Variants in FBXL2 observed in about 807,000 individuals in gnomAD.
FBXL2 encodes the protein F-box and leucine rich repeat protein 2.
FBXL2 carries 38 observed loss-of-function variants against 69.2 expected under a neutral mutation model. The observed-to-expected ratio is 0.55, with a 90% confidence interval of 0.42 to 0.72. The LOEUF (loss-of-function observed/expected upper bound fraction) is 0.72, where lower values mean the gene tolerates loss of function less well. Ranked by LOEUF, FBXL2 falls within the 30% of genes least tolerant of loss-of-function variation. The pLI is 0.00. For synonymous variants in FBXL2, 192 were observed against 201.3 expected (o/e 0.95, Z 0.39); for missense variants, 354 against 520.3 (o/e 0.68, Z 3.11).
intron 11 of FBXL2, 62 bp downstream of exon 11, chr3:33,377,395 T>A: frequency 6.5e-7 from 1 of 1,549,142 alleles, no homozygotes; most frequent in Non-Finnish European, 8.9e-7. Flanking sequence ...TCAAAGTGAC[T>A]TGGAGTGGTT....
At chr3:33,321,895 A>G (rs1450715781) in intron 2 of FBXL2, among the ~76,000 whole-genome samples, 1 of 152,124 alleles carries the variant, frequency 6.6e-6, no homozygotes, top group Non-Finnish European at 1.5e-5. Context: ...AAATGTCATT[A>G]TCCAGTGCAT....
At chr3:33,286,008 T>A (rs1453968074) in intron 1 of FBXL2, among the ~76,000 whole-genome samples, 2 of 152,186 alleles carry the variant, frequency 1.3e-5, no homozygotes, top group Non-Finnish European at 2.9e-5. Context: ...TGGAGAAGTT[T>A]GTTATTACCG....
chr3:33,375,203 GAAC>G (rs1467576417), intron 9 of FBXL2, 82 bp from the exon 10 acceptor site: 1 of 1,545,784 alleles, frequency 6.5e-7, no homozygotes, highest in African/African-American at 1.4e-5. Context: ...AACCAAAACT[GAAC>G]AACAGCAGAT....
downstream of FBXL2, among the ~76,000 whole-genome samples, chr3:33,404,849 T>A: frequency 6.6e-6 from 1 of 152,154 alleles, no homozygotes; most frequent in Non-Finnish European, 1.5e-5. Flanking sequence ...AGGACCTGAA[T>A]GACACTACCG....
At chr3:33,338,788 A>G (rs72863728) in intron 2 of FBXL2, among the ~76,000 whole-genome samples, 309 of 152,348 alleles carry the variant, frequency 2.0e-3, no homozygotes, top group African/African-American at 7.0e-3. Context: ...AAGGTGGGTT[A>G]AAGACTTAAA....
chr3:33,410,665 G>C, the FBXL2 span, among the ~76,000 whole-genome samples: 1 of 152,114 alleles, frequency 6.6e-6, no homozygotes, highest in Non-Finnish European at 1.5e-5. Flanking sequence ...GTGGGTATTA[G>C]AATCACTATT....
the FBXL2 span, among the ~76,000 whole-genome samples, chr3:33,418,076 A>G: frequency 1.3e-5 from 2 of 152,200 alleles, no homozygotes; most frequent in Non-Finnish European, 2.9e-5. Context: ...TATATGCACT[A>G]TATTTAACAA....
At position 33,378,113 on chromosome 3, in the gene FBXL2, A is replaced by G; in HGVS notation, c.860A>G (p.Glu287Gly). The G allele has an allele frequency of 1.9e-6, 3 of 1,614,184 alleles. No individual in the cohort carries two copies. Among genetic ancestry groups the G allele is most frequent in the Non-Finnish European group, 1.7e-6 (2 of 1,180,022 alleles). Residue 287 changes from glutamate (E) to glycine (G), a missense_variant, in exon 12 of 15, where the codon GAA becomes GGA. Transcript: ENST00000484457. ...TGTGGACTCTTCCAGAATTGCCACG[A>G]ATTGGAGAAGATGGATCTTGAAGAA... ...GFTLLARNCH[E>G]LEKMDLEECI...
chr3:33,282,328 G>C (rs13074803), intron 1 of FBXL2, among the ~76,000 whole-genome samples: 3 of 151,934 alleles, frequency 2.0e-5, no homozygotes, highest in Non-Finnish European at 2.9e-5. Flanking sequence ...TCTTATTTTT[G>C]TCAGGTTTGT....
intron 2 of FBXL2, among the ~76,000 whole-genome samples, chr3:33,312,672 CTCTT>C (rs989353519): frequency 1.3e-5 from 2 of 152,080 alleles, no homozygotes; most frequent in African/African-American, 2.4e-5. Flanking sequence ...ATTATACTCT[CTCTT>C]TAACGCTTAT....
downstream of FBXL2, among the ~76,000 whole-genome samples, chr3:33,404,281 G>A (rs747434487): frequency 8.6e-5 from 13 of 152,042 alleles, no homozygotes; most frequent in South Asian, 6.2e-4. Context: ...GCGTAGTGGC[G>A]TGTGCCTGTA....
intron 2 of FBXL2, among the ~76,000 whole-genome samples, chr3:33,325,351 G>T (rs922900805): frequency 6.6e-6 from 1 of 152,146 alleles, no homozygotes; most frequent in Non-Finnish European, 1.5e-5. Flanking sequence ...GGTGAGAAAG[G>T]GCATCCTTGT....
intron 12 of FBXL2, chr3:33,397,750 A>G (rs935616783): frequency 1.3e-5 from 2 of 152,190 alleles, no homozygotes; most frequent in African/African-American, 4.8e-5. Flanking sequence ...CCCCAAGCAC[A>G]TCCTACTTAC....
At chr3:33,393,462 T>TA (rs754581679) in intron 12 of FBXL2, 40,971 of 1,249,064 alleles carry the variant, frequency 0.033, 11 homozygotes, top group South Asian at 0.039. Flanking sequence ...AAACTGAAAT[T>TA]AAAAAAAAAA....
the FBXL2 span, among the ~76,000 whole-genome samples, chr3:33,413,950 C>T: frequency 6.6e-6 from 1 of 152,176 alleles, no homozygotes; most frequent in Non-Finnish European, 1.5e-5. Flanking sequence ...AAAAGTACAG[C>T]ACAGAAAATA....
chr3:33,341,680 A>C (rs2040023434), intron 2 of FBXL2, among the ~76,000 whole-genome samples: 1 of 151,838 alleles, frequency 6.6e-6, no homozygotes, highest in Non-Finnish European at 1.5e-5. Flanking sequence ...AAATACAAAA[A>C]TTAGCCGATC....
intron 12 of FBXL2, 59 bp downstream of exon 12, chr3:33,378,206 T>G: frequency 6.6e-7 from 1 of 1,505,036 alleles, no homozygotes; most frequent in Non-Finnish European, 9.3e-7. Flanking sequence ...TGCTGGCCAG[T>G]GCAGCACAGC....
At chr3:33,403,607 C>CT (rs2044327445) in exon 13 of FBXL2, 1 of 124,750 alleles carries the variant, frequency 8.0e-6, no homozygotes, top group Non-Finnish European at 1.6e-5. Context: ...TCTATCTTTC[C>CT]TTCTTTCTTT....
intron 2 of FBXL2, among the ~76,000 whole-genome samples, chr3:33,309,306 A>G (rs1421052073): frequency 1.3e-5 from 2 of 152,234 alleles, no homozygotes; most frequent in African/African-American, 2.4e-5. Flanking sequence ...TTGAGTGCCT[A>G]TATATTTACA....
Sources: gnomAD v4.1 joint callset for allele counts (sites outside exome capture counted in the v4.1 genomes callset) on GRCh38, gnomAD v4.1.1 for gene constraint, MANE v1.5 for transcripts, NCBI Gene and HGNC (gene_info 2026-07-23, HGNC 2026-07-21) for gene names.